Variants in TRIM15 observed in about 807,000 individuals in gnomAD.
TRIM15 encodes tripartite motif containing 15.
A neutral mutation model predicts 35.8 loss-of-function variants in TRIM15; 35 were observed. The observed-to-expected ratio is 0.98, with a 90% confidence interval of 0.75 to 1.30. The LOEUF (loss-of-function observed/expected upper bound fraction) is 1.30, where lower values mean the gene tolerates loss of function less well. Ranked by LOEUF, TRIM15 falls within the 50% of genes most tolerant of loss-of-function variation. The pLI is 0.00. For synonymous variants in TRIM15, 252 were observed against 249.8 expected (o/e 1.01, Z -0.08); for missense variants, 590 against 593.5 (o/e 0.99, Z 0.06).
intron 3 of TRIM15, 110 bp from the exon 4 acceptor site, chr6:30,169,131 C>T (rs1773831561): frequency 3.1e-6 from 4 of 1,291,312 alleles, no homozygotes; most frequent in Non-Finnish European, 4.5e-6. Flanking sequence ...GGACAACTCT[C>T]TGCAGAAGGA....
intron 1 of TRIM15, 102 bp downstream of exon 1, chr6:30,164,167 A>G: frequency 6.8e-7 from 1 of 1,476,436 alleles, no homozygotes; most frequent in Non-Finnish European, 9.1e-7. Context: ...CTTCCACATC[A>G]GGGAACCCTA....
intron 1 of TRIM15, among the ~76,000 whole-genome samples, chr6:30,164,962 C>G (rs1190661837): frequency 1.3e-5 from 2 of 152,154 alleles, no homozygotes; most frequent in Non-Finnish European, 2.9e-5. Context: ...CTGAGCTGCA[C>G]TTGCTGTTTT....
Position 30,172,528 on chromosome 6 carries a change from C to T in TRIM15, c.*179C>T, listed in dbSNP as rs754476518. 4 of 905,416 alleles carry T rather than the reference C, an allele frequency of 4.4e-6. No homozygotes were observed. In the South Asian group the frequency reaches 4.5e-5, roughly 10 times the overall value. 56.1% of individuals were successfully genotyped at this position (905,416 alleles called of 1,614,324 possible). On this transcript the variant is annotated 3_prime_UTR_variant, in exon 7 of 7. Coordinates refer to ENST00000376694, the MANE Select transcript of TRIM15 (RefSeq NM_033229.3). ...TTATCTTAGGCCCTCAGCTCCCTGA[C>T]GTCCTGAGCCTCCCTGTGACGCTCT... is the stretch of plus-strand genomic sequence containing the variant.
rs1018675161 is a variant in TRIM15 at position 30,172,369 on chromosome 6, G to A, written c.*20G>A. On this transcript the variant is annotated 3_prime_UTR_variant, in exon 7 of 7. Coordinates refer to ENST00000376694, the MANE Select transcript of TRIM15 (RefSeq NM_033229.3). ...GGCTGAAGTGGGGCGCGCGAAGGGCGGCGAAGCGGAGACGGCGGCTCTCCG... is the reference window on the plus strand; with the variant it reads ...GGCTGAAGTGGGGCGCGCGAAGGGCAGCGAAGCGGAGACGGCGGCTCTCCG... 2.7e-5 allele frequency: 43 copies of A among 1,574,720 alleles called. No individual in the cohort carries two copies. The highest frequency in any genetic ancestry group is 4.1e-5 in the African/African-American group (3 of 73,954).
intron 4 of TRIM15, 106 bp from the exon 5 acceptor site, chr6:30,170,395 C>A: frequency 1.5e-6 from 1 of 669,816 alleles, no homozygotes; most frequent in Non-Finnish European, 2.6e-6. Context: ...CATTATTCAC[C>A]ACAGACGCCA....
In TRIM15 at chr6:30,167,167, T is replaced by TC; in HGVS notation, c.382-5dup. On this transcript the variant is annotated splice_polypyrimidine_tract_variant and intron_variant, in intron 1 of 6. Transcript: ENST00000376694. The stretch of plus-strand genomic sequence containing the variant: ...AGTCACCTCTATCCACCCATTCTTC[T>TC]CCCCACAGGATCGTCTCAGGAGTCG... The TC allele has an allele frequency of 6.2e-7, 1 of 1,610,486 alleles. No individual in the cohort carries two copies. The highest frequency in any genetic ancestry group is 8.5e-7 in the Non-Finnish European group (1 of 1,177,788).
At chr6:30,167,330 G>A (rs1773677813) in intron 2 of TRIM15, 59 bp downstream of exon 2, 15 of 1,394,290 alleles carry the variant, frequency 1.1e-5, no homozygotes, top group East Asian at 6.8e-5. Flanking sequence ...AGACTCTGGG[G>A]AAACCCGTTG....
chr6:30,172,653 G>GA lies in TRIM15; in HGVS notation c.*309dup. ...CCAGCGGGCTTTCGGGGAAAAAAAA[G>GA]AAAAAGACATCTAAAATAAAATGTT... On this transcript the variant is annotated 3_prime_UTR_variant, in exon 7 of 7. Transcript: ENST00000376694. 1 of 611,108 alleles carries GA rather than the reference G, an allele frequency of 1.6e-6. No homozygotes were observed. The highest frequency in any genetic ancestry group is 3.0e-6 in the Non-Finnish European group (1 of 337,352). 37.9% of individuals were successfully genotyped at this position (611,108 alleles called of 1,614,324 possible).
At chr6:30,169,129 C>A in intron 3 of TRIM15, 112 bp from the exon 4 acceptor site, 3 of 1,277,002 alleles carry the variant, frequency 2.3e-6, no homozygotes, top group Non-Finnish European at 3.4e-6. Flanking sequence ...CAGGACAACT[C>A]TCTGCAGAAG....
Position 30,172,038 on chromosome 6 carries a change from T to A in TRIM15, c.1087T>A (p.Cys363Ser). ...CCTGCAGCTGGGCGACGGCGGCGGC[T>A]GCACGGTGGGGGTGGCCGGGGAGGG... The part of the protein sequence containing the change: ...VDLQLGDGGG[C>S]TVGVAGEGVR... The change falls in exon 7 of 7, where the codon TGC (cysteine) becomes AGC (serine). Residue 363 changes from cysteine to serine, a missense_variant. By Grantham distance (112) the Cys-to-Ser change is moderately radical. Transcript: ENST00000376694. 6.4e-7 allele frequency: 1 copy of A among 1,571,650 alleles called. No homozygotes were observed.
Position 30,169,261 on chromosome 6 carries a change from C to T in TRIM15, c.729C>T (p.Ser243=), listed in dbSNP as rs141139052. ...ELLQDVRVNQ[S]RCEMKTFVSP... is the part of the protein sequence containing the mutation. ...TGCAGGATGTCAGAGTCAACCAGAG[C>T]AGGTAGGGCCCACTCCCCGGTCCTG... Residue 243 remains serine (S), a splice_region_variant and synonymous_variant, in exon 4 of 7, where the codon AGC becomes AGT. Coordinates refer to ENST00000376694, the MANE Select transcript of TRIM15 (RefSeq NM_033229.3). 6.2e-7 allele frequency: 1 copy of T among 1,613,136 alleles called. No individual in the cohort carries two copies. Among genetic ancestry groups the T allele is most frequent in the Non-Finnish European group, 8.5e-7 (1 of 1,180,034 alleles).
chr6:30,166,777 C>A (rs1000193870), intron 1 of TRIM15, among the ~76,000 whole-genome samples: 2 of 152,188 alleles, frequency 1.3e-5, no homozygotes, highest in African/African-American at 4.8e-5. Flanking sequence ...TCTCTGATTT[C>A]CTTGAGCAGT....
At chr6:30,170,449 G>T (rs530285828) in intron 4 of TRIM15, 52 bp from the exon 5 acceptor site, 3 of 1,276,860 alleles carry the variant, frequency 2.3e-6, no homozygotes, top group Non-Finnish European at 3.4e-6. Flanking sequence ...GGTCTCACCC[G>T]AACATTTGTT....
intron 1 of TRIM15, among the ~76,000 whole-genome samples, chr6:30,164,317 G>A (rs1334363838): frequency 1.3e-5 from 2 of 152,178 alleles, no homozygotes; most frequent in African/African-American, 2.4e-5. Flanking sequence ...AAGAACTGTA[G>A]CCTTGGCTTC....
At chr6:30,171,702 G>A in intron 6 of TRIM15, 130 bp from the exon 7 acceptor site, 1 of 1,205,136 alleles carries the variant, frequency 8.3e-7, no homozygotes, top group African/African-American at 1.6e-5. Context: ...GTAGAAGGGC[G>A]GTTCAGAGAA....
At chr6:30,171,699 G>C in intron 6 of TRIM15, 133 bp from the exon 7 acceptor site, 1 of 1,187,002 alleles carries the variant, frequency 8.4e-7, no homozygotes, top group Non-Finnish European at 1.1e-6. Flanking sequence ...TAGGTAGAAG[G>C]GCGGTTCAGA....
intron 1 of TRIM15, among the ~76,000 whole-genome samples, chr6:30,165,175 A>G (rs1773509200): frequency 6.6e-6 from 1 of 151,860 alleles, no homozygotes; most frequent in Non-Finnish European, 1.5e-5. Flanking sequence ...ACATAGGTAT[A>G]TACGTGCCAT....
intron 1 of TRIM15, among the ~76,000 whole-genome samples, chr6:30,166,424 T>C (rs1469854357): frequency 6.6e-6 from 1 of 152,136 alleles, no homozygotes; most frequent in Non-Finnish European, 1.5e-5. Flanking sequence ...AGATGTGTGG[T>C]GTTATTTCTG....
chr6:30,165,947 G>T (rs1773563993), intron 1 of TRIM15, among the ~76,000 whole-genome samples: 1 of 152,094 alleles, frequency 6.6e-6, no homozygotes, highest in African/African-American at 2.4e-5. Flanking sequence ...TTTTGATGGG[G>T]CTGTTTGTTT....
Sources: allele counts gnomAD v4.1 joint callset (sites outside exome capture counted in the v4.1 genomes callset), GRCh38; gene constraint gnomAD v4.1.1; transcripts MANE v1.5; gene names NCBI Gene and HGNC (gene_info 2026-07-23, HGNC 2026-07-21).